The following ZSWIM1 variants were observed in gnomAD, a reference collection of about 807,000 sequenced individuals.
ZSWIM1 encodes zinc finger SWIM-type containing 1.
In ZSWIM1, 22 loss-of-function variants were observed where a neutral mutation model predicts 29.3. That is an observed-to-expected ratio of 0.75 (90% CI 0.54 to 1.07). The LOEUF is 1.07. Among genes scored for constraint, ZSWIM1 ranks in the 50% least tolerant of loss-of-function variants. The pLI, the probability that ZSWIM1 is intolerant of heterozygous loss-of-function variation, is 0.00. For missense variants in ZSWIM1, 511 were observed against 596.2 expected, an observed-to-expected ratio of 0.86 and a Z score of 1.49; for synonymous variants, 228 against 240.8, an observed-to-expected ratio of 0.95 and a Z score of 0.49.
chr20:45,883,781 A>T lies in ZSWIM1; in HGVS notation c.1189A>T (p.Ile397Phe). The T allele has an allele frequency of 6.2e-7, 1 of 1,613,646 alleles. No homozygotes were observed. Among genetic ancestry groups the T allele is most frequent in the Non-Finnish European group, 8.5e-7 (1 of 1,180,004 alleles). Residue 397 changes from isoleucine to phenylalanine, a missense_variant, in exon 2 of 2, where the codon ATC becomes TTC. Ile to Phe is a conservative substitution (Grantham distance 21). Coordinates refer to ENST00000372523, the MANE Select transcript of ZSWIM1 (RefSeq NM_080603.5). Reference protein sequence around the residue: ...NQAFHLPCRHILAMLSARRQV... With the variant: ...NQAFHLPCRHFLAMLSARRQV... ...GGCCTTCCACCTGCCCTGCCGCCAC[A>T]TCCTAGCCATGCTCAGTGCCCGCCG...
rs1420022007 is a variant in ZSWIM1, at chr20:45,883,996, C to T, written c.1404C>T (p.Thr468=). The part of the protein sequence containing the change: ...TKEEFERRYS[T]LRELADSWIG... ...AGGAGTTTGAGCGGAGGTATAGCAC[C>T]CTGCGGGAACTGGCCGACAGCTGGA... The change falls in exon 2 of 2, where the codon ACC becomes ACT. Residue 468 remains threonine, a synonymous_variant. Coordinates refer to ENST00000372523, the MANE Select transcript of ZSWIM1 (RefSeq NM_080603.5). 1 of 1,613,824 alleles carries T rather than the reference C, an allele frequency of 6.2e-7. No individual in the cohort carries two copies. Among genetic ancestry groups the T allele is most frequent in the Admixed American group, 1.7e-5 (1 of 59,974 alleles).
Position 45,883,642 on chromosome 20 carries a change from G to A in ZSWIM1, c.1050G>A (p.Gln350=). Residue 350 remains glutamine, a synonymous_variant, in exon 2 of 2, where the codon CAG becomes CAA. Coordinates refer to ENST00000372523, the MANE Select transcript of ZSWIM1 (RefSeq NM_080603.5). The part of the protein sequence containing the change: ...QLCLGELAVV[Q]KSTHLIGSGS... Reference sequence around the variant, plus strand: ...GCCTGGGCGAGCTTGCTGTGGTCCAGAAATCCACACACCTCATTGGCTCTG... The same window carrying A: ...GCCTGGGCGAGCTTGCTGTGGTCCAAAAATCCACACACCTCATTGGCTCTG... 6.2e-7 allele frequency: 1 copy of A among 1,614,180 alleles called. No individual in the cohort carries two copies. Among genetic ancestry groups the A allele is most frequent in the South Asian group, 1.1e-5 (1 of 91,082 alleles).
rs777440000 is a variant in ZSWIM1 at position 45,883,536 on chromosome 20, G to A, written c.944G>A (p.Ser315Asn). The A allele has an allele frequency of 2.5e-6, 4 of 1,614,184 alleles. 1 individual carries two copies. ...GCTCCCTCAGACACCATCCCCGAAA[G>A]CCCCAAACTGGAGCAGCTGGTAGAA... The part of the protein sequence containing the change: ...NHAPSDTIPE[S>N]PKLEQLVESH... Residue 315 changes from serine to asparagine, a missense_variant, in exon 2 of 2, where the codon AGC (serine) becomes AAC (asparagine). Physicochemically the swap from Ser to Asn is conservative, Grantham distance 46. Transcript: ENST00000372523.
rs373804766 is a variant in ZSWIM1, at chr20:45,883,696, G to C, written c.1104G>C (p.Leu368=). ...CAGAAAAGATGAACATACAGATCCT[G>C]GAAGATACCCATAAGGTGCAGCCCC... ...SGSEKMNIQI[L]EDTHKVQPQP... Residue 368 remains leucine, a synonymous_variant, in exon 2 of 2, where the codon CTG becomes CTC. Transcript: ENST00000372523. The C allele has an allele frequency of 1.2e-6, 2 of 1,614,182 alleles. No individual in the cohort carries two copies. The highest frequency in any genetic ancestry group is 1.7e-6 in the Non-Finnish European group (2 of 1,180,038).
chr20:45,882,899 C>CA lies in ZSWIM1; in HGVS notation c.308dup (p.Leu104AlafsTer20). 6.2e-7 allele frequency: 1 copy of CA among 1,614,200 alleles called. No homozygotes were observed. The highest frequency in any genetic ancestry group is 8.5e-7 in the Non-Finnish European group (1 of 1,180,026). ...CTTCCTGGTGGATGGACCTCGGGTG[C>CA]AGCTGGAGGGTCATCTTGCCCGAGC... On this transcript the variant is annotated frameshift_variant, in exon 2 of 2. Transcript: ENST00000372523. LOFTEE classifies it high-confidence loss of function.
Position 45,883,099 on chromosome 20 carries a change from A to G in ZSWIM1, c.507A>G (p.Ser169=), listed in dbSNP as rs151121936. ...TCCCCACAGCTGAGGTCCTTCTCTC[A>G]GCCTTCCACATTTGTAAGTTCCTCC... is the stretch of plus-strand genomic sequence containing the variant. ...MEFPTAEVLL[S]AFHICKFLQA... is the part of the protein sequence containing the mutation. Residue 169 remains serine (S), a synonymous_variant, in exon 2 of 2, where the codon TCA becomes TCG. Coordinates refer to ENST00000372523, the MANE Select transcript of ZSWIM1 (RefSeq NM_080603.5). 2 of 1,614,178 alleles carry G rather than the reference A, an allele frequency of 1.2e-6. No individual in the cohort carries two copies. Among genetic ancestry groups the G allele is most frequent in the African/African-American group, 2.7e-5 (2 of 75,044 alleles).
rs1263838536 is a variant in ZSWIM1, at chr20:45,884,757, TC to T, written c.*710del. 4 of 166,990 alleles carry T rather than the reference TC, an allele frequency of 2.4e-5. No homozygotes were observed. The East Asian group carries it at 7.8e-4, about 33-fold the overall frequency. The allele number at this position is 166,990 out of a possible 1,614,324, so 10.3% of individuals were successfully genotyped here. A position where few individuals can be genotyped will look rare whatever the true frequency, so the allele number is the denominator to read the frequency against. ...TGGGCATGGTGGCTCACGCCTGTAA[TC>T]CCAGCATTTTGGGAGGCTGAGGTGG... is the stretch of plus-strand genomic sequence containing the variant. On this transcript the variant is annotated 3_prime_UTR_variant, in exon 2 of 2. Coordinates refer to ENST00000372523, the MANE Select transcript of ZSWIM1 (RefSeq NM_080603.5).
rs183938876 is a variant in ZSWIM1, at chr20:45,883,591, C to T, written c.999C>T (p.Ile333=). ...ESHIQHSLNA[I]CTGPAAQLCL... Reference sequence around the variant, plus strand: ...ACATCCAGCACTCCCTCAATGCCATCTGCACAGGGCCAGCAGCCCAACTGT... The same window carrying T: ...ACATCCAGCACTCCCTCAATGCCATTTGCACAGGGCCAGCAGCCCAACTGT... The change falls in exon 2 of 2, where the codon ATC becomes ATT. Residue 333 remains isoleucine (I), a synonymous_variant. Coordinates refer to ENST00000372523, the MANE Select transcript of ZSWIM1 (RefSeq NM_080603.5). 3 of 1,614,260 alleles carry T rather than the reference C, an allele frequency of 1.9e-6. No individual in the cohort carries two copies. In the Admixed American group the frequency reaches 5.0e-5, roughly 27 times the overall value.
rs1355753769 is a variant in ZSWIM1, at chr20:45,885,062, C to G, written c.*1012C>G. On this transcript the variant is annotated 3_prime_UTR_variant, in exon 2 of 2. Coordinates refer to ENST00000372523, the MANE Select transcript of ZSWIM1 (RefSeq NM_080603.5). The stretch of plus-strand genomic sequence containing the variant: ...TGGTCTAAGATAAGAGATAAAACAT[C>G]AGGTGGTGAGGTTGAGGTTTGGGGC... The G allele has an allele frequency of 1.2e-5, 2 of 167,032 alleles. No homozygotes were observed. Among genetic ancestry groups the G allele is most frequent in the African/African-American group, 2.4e-5 (1 of 41,434 alleles). The allele number at this position is 167,032 out of a possible 1,614,324, so 10.3% of individuals were successfully genotyped here. A position where few individuals can be genotyped will look rare whatever the true frequency, so the allele number is the denominator to read the frequency against.
chr20:45,883,051 A>T lies in ZSWIM1; in HGVS notation c.459A>T (p.Pro153=), dbSNP rs1469230133. The T allele has an allele frequency of 6.2e-7, 1 of 1,614,078 alleles. No homozygotes were observed. Among genetic ancestry groups the T allele is most frequent in the Admixed American group, 1.7e-5 (1 of 60,006 alleles). The change falls in exon 2 of 2, where the codon CCA becomes CCT. Residue 153 remains proline, a synonymous_variant. Coordinates refer to ENST00000372523, the MANE Select transcript of ZSWIM1 (RefSeq NM_080603.5). ...TCCTGGTGGATCCTCATTTCCTTCC[A>T]CTGCCTATCCTAGCTATGGAGTTCC... The part of the protein sequence containing the change: ...CTILVDPHFL[P]LPILAMEFPT...
chr20:45,883,783 C>T lies in ZSWIM1; in HGVS notation c.1191C>T (p.Ile397=). 6.2e-7 allele frequency: 1 copy of T among 1,613,822 alleles called. No homozygotes were observed. ...NQAFHLPCRH[I]LAMLSARRQV... is the part of the protein sequence containing the mutation. ...CCTTCCACCTGCCCTGCCGCCACAT[C>T]CTAGCCATGCTCAGTGCCCGCCGCC... Residue 397 remains isoleucine (I), a synonymous_variant, in exon 2 of 2, where the codon ATC becomes ATT. Transcript: ENST00000372523.
chr20:45,882,672 T>C lies in ZSWIM1; in HGVS notation c.80T>C (p.Ile27Thr), dbSNP rs372678008. The C allele has an allele frequency of 1.2e-6, 2 of 1,614,066 alleles. No homozygotes were observed. The highest frequency in any genetic ancestry group is 2.7e-5 in the African/African-American group (2 of 74,918). Residue 27 changes from isoleucine to threonine, a missense_variant, in exon 2 of 2, where the codon ATC becomes ACC. Coordinates refer to ENST00000372523, the MANE Select transcript of ZSWIM1 (RefSeq NM_080603.5). ...YFDLGIWTAPISPMALTMLNG... is the reference protein window; with the variant it reads ...YFDLGIWTAPTSPMALTMLNG... ...GACCTTGGCATTTGGACAGCTCCCA[T>C]CTCTCCCATGGCCCTGACAATGCTG...
chr20:45,881,169 GC>G (rs1941090683), upstream of ZSWIM1: 1 of 152,476 alleles, frequency 6.6e-6, no homozygotes, highest in African/African-American at 2.4e-5. Context: ...CCGAGTCACT[GC>G]GATGCTGACG....
chr20:45,883,911 A>T lies in ZSWIM1; in HGVS notation c.1319A>T (p.His440Leu). The change falls in exon 2 of 2, where the codon CAC becomes CTC. Residue 440 changes from histidine to leucine, a missense_variant. By Grantham distance (99) the His-to-Leu change is moderately conservative. Coordinates refer to ENST00000372523, the MANE Select transcript of ZSWIM1 (RefSeq NM_080603.5). ...AAGTGGAGTGAGACCCTGGATAAGC[A>T]CCTGGCAGTGACTCACCTCACCGAG... Reference protein sequence around the residue: ...GSKWSETLDKHLAVTHLTEEV... With the variant: ...GSKWSETLDKLLAVTHLTEEV... The T allele has an allele frequency of 1.2e-6, 2 of 1,614,006 alleles. No individual in the cohort carries two copies. The highest frequency in any genetic ancestry group is 1.7e-6 in the Non-Finnish European group (2 of 1,180,010).
chr20:45,884,300 A>G lies in ZSWIM1; in HGVS notation c.*250A>G, dbSNP rs749440282. The G allele has an allele frequency of 1.4e-4, 61 of 451,428 alleles. No individual in the cohort carries two copies. In the Middle Eastern group the frequency reaches 2.4e-3, roughly 17 times the overall value. The allele number at this position is 451,428 out of a possible 1,614,324, so 28.0% of individuals were successfully genotyped here. A position where few individuals can be genotyped will look rare whatever the true frequency, so the allele number is the denominator to read the frequency against. On this transcript the variant is annotated 3_prime_UTR_variant, in exon 2 of 2. Coordinates refer to ENST00000372523, the MANE Select transcript of ZSWIM1 (RefSeq NM_080603.5). ...AAATCTTAATCTGTTTAGTTTACTC[A>G]GGTGGCCACATACAGTCTCTGTTGT...
rs533716594 is a variant in ZSWIM1 at position 45,883,711 on chromosome 20, G to A, written c.1119G>A (p.Lys373=). ...MNIQILEDTH[K]VQPQPPASCS... ...TACAGATCCTGGAAGATACCCATAA[G>A]GTGCAGCCCCAGCCCCCTGCCAGCT... The change falls in exon 2 of 2, where the codon AAG becomes AAA. Residue 373 remains lysine (K), a synonymous_variant. Coordinates refer to ENST00000372523, the MANE Select transcript of ZSWIM1 (RefSeq NM_080603.5). 1.9e-6 allele frequency: 3 copies of A among 1,614,100 alleles called. No individual in the cohort carries two copies. Among genetic ancestry groups the A allele is most frequent in the Admixed American group, 1.7e-5 (1 of 60,006 alleles).
In ZSWIM1 at chr20:45,882,736, G is replaced by A. The variant is rs755217477; in HGVS notation, c.144G>A (p.Leu48=). 1.2e-6 allele frequency: 2 copies of A among 1,614,250 alleles called. No individual in the cohort carries two copies. The highest frequency in any genetic ancestry group is 2.2e-5 in the East Asian group (1 of 44,894). Residue 48 remains leucine (L), a synonymous_variant, in exon 2 of 2, where the codon CTG becomes CTA. Coordinates refer to ENST00000372523, the MANE Select transcript of ZSWIM1 (RefSeq NM_080603.5). ...TTAAGGACTCAAGCCCACCTATGCTGCTGCACCAGGTTAACAAGACTGCCC... is the reference window on the plus strand; with the variant it reads ...TTAAGGACTCAAGCCCACCTATGCTACTGCACCAGGTTAACAAGACTGCCC... ...LLIKDSSPPM[L]LHQVNKTAQL... is the part of the protein sequence containing the mutation.
rs1451333317 is a variant in ZSWIM1, at chr20:45,883,403, A to G, written c.811A>G (p.Thr271Ala). The G allele has an allele frequency of 6.2e-7, 1 of 1,614,194 alleles. No homozygotes were observed. Among genetic ancestry groups the G allele is most frequent in the Non-Finnish European group, 8.5e-7 (1 of 1,180,036 alleles). ...TTHILSQFFG[T>A]TPSEKQGMAS... The stretch of plus-strand genomic sequence containing the variant: ...CCACATCCTCAGCCAGTTCTTTGGT[A>G]CCACCCCATCTGAGAAACAAGGTAT... Residue 271 changes from threonine (T) to alanine (A), a missense_variant, in exon 2 of 2, where the codon ACC (threonine) becomes GCC (alanine). Physicochemically the swap from Thr to Ala is moderately conservative, Grantham distance 58. Coordinates refer to ENST00000372523, the MANE Select transcript of ZSWIM1 (RefSeq NM_080603.5).
intron 1 of ZSWIM1, 70 bp downstream of exon 1, chr20:45,881,331 A>C (rs904199221): frequency 1.3e-4 from 20 of 152,254 alleles, no homozygotes; most frequent in African/African-American, 4.8e-4. Flanking sequence ...CACAGCTCCC[A>C]AAGGGATGGG....
Sources: gnomAD v4.1 joint callset for allele counts on GRCh38, gnomAD v4.1.1 for gene constraint, MANE v1.5 for transcripts, NCBI Gene and HGNC (gene_info 2026-07-23, HGNC 2026-07-21) for gene names.